The following SHANK2 variants were observed in gnomAD, a reference collection of about 807,000 sequenced individuals.
SHANK2 encodes the protein SH3 and multiple ankyrin repeat domains protein 2.
A neutral mutation model predicts 133.7 loss-of-function variants in SHANK2; 43 were observed. That is an observed-to-expected ratio of 0.32 (90% confidence interval 0.25 to 0.41). The LOEUF (loss-of-function observed/expected upper bound fraction) is 0.41. Among genes scored for constraint, SHANK2 ranks in the 10% least tolerant of loss-of-function variants. The pLI, the probability that SHANK2 is intolerant of heterozygous loss-of-function variation, is 1.00. For synonymous variants in SHANK2, 1,017 were observed against 952.8 expected, an observed-to-expected ratio of 1.07 and a Z score of -1.24; for missense variants, 1,994 against 2,235.8, an observed-to-expected ratio of 0.89 and a Z score of 2.18.
At chr11:70,860,809 C>T (rs760615761) in intron 11 of SHANK2, among the ~76,000 whole-genome samples, 8 of 152,124 alleles carry the variant, frequency 5.3e-5, no homozygotes, top group Non-Finnish European at 8.8e-5. Flanking sequence ...GGGCCCAGGA[C>T]CAGGTGTTCA....
At chr11:70,496,880 C>T (rs1274925512) in intron 21 of SHANK2, 1 of 443,354 alleles carries the variant, frequency 2.3e-6, no homozygotes, top group Admixed American at 2.4e-5. Context: ...GGGCACCCTA[C>T]CCATCATCAC....
intron 10 of SHANK2, chr11:70,948,342 G>C (rs1427532998): frequency 4.4e-6 from 2 of 457,184 alleles, no homozygotes; most frequent in African/African-American, 4.0e-5. Context: ...GTGGCTCACT[G>C]ATGTGTCCCC....
At chr11:71,238,394 AT>A (rs1954849300) in intron 1 of SHANK2, among the ~76,000 whole-genome samples, 1 of 152,210 alleles carries the variant, frequency 6.6e-6, no homozygotes, top group African/African-American at 2.4e-5. Flanking sequence ...AAATTACCTT[AT>A]TTAATGCTCA....
At chr11:71,140,562 G>A (rs1159980010) in intron 3 of SHANK2, among the ~76,000 whole-genome samples, 3 of 152,204 alleles carry the variant, frequency 2.0e-5, no homozygotes, top group Non-Finnish European at 4.4e-5. Flanking sequence ...AGATGACCGG[G>A]GCCTCCCTTC....
At chr11:70,894,917 T>C (rs1555075357) in intron 11 of SHANK2, among the ~76,000 whole-genome samples, 1 of 152,248 alleles carries the variant, frequency 6.6e-6, no homozygotes, top group East Asian at 1.9e-4. Flanking sequence ...TGTGTGCTGC[T>C]CTTTCATATT....
chr11:70,736,685 C>T (rs1261840963), intron 14 of SHANK2, among the ~76,000 whole-genome samples: 1 of 152,184 alleles, frequency 6.6e-6, no homozygotes, highest in Non-Finnish European at 1.5e-5. Context: ...CCGTTCTCTG[C>T]TGTTCTGAGC....
At chr11:70,480,061 A>G (rs2058713313) in intron 25 of SHANK2, among the ~76,000 whole-genome samples, 1 of 152,152 alleles carries the variant, frequency 6.6e-6, no homozygotes, top group African/African-American at 2.4e-5. Context: ...TGGTCATGCC[A>G]AGACTTTGCT....
chr11:70,878,639 A>T (rs1555071814), intron 11 of SHANK2, among the ~76,000 whole-genome samples: 1 of 152,146 alleles, frequency 6.6e-6, no homozygotes. Context: ...GGACTGGCAG[A>T]GGACTGGAAT....
At chr11:70,725,380 T>C (rs1555030387) in intron 14 of SHANK2, among the ~76,000 whole-genome samples, 1 of 152,228 alleles carries the variant, frequency 6.6e-6, no homozygotes, top group East Asian at 1.9e-4. Flanking sequence ...AGGAATTTCC[T>C]TGGGTACTGG....
At chr11:71,123,135 T>C (rs1555101867) in intron 3 of SHANK2, among the ~76,000 whole-genome samples, 1 of 152,194 alleles carries the variant, frequency 6.6e-6, no homozygotes, top group African/African-American at 2.4e-5. Context: ...GAAGACACTT[T>C]GGATGAATCC....
At chr11:70,716,676 C>T (rs1315548172) in intron 14 of SHANK2, among the ~76,000 whole-genome samples, 1 of 152,324 alleles carries the variant, frequency 6.6e-6, no homozygotes, top group East Asian at 1.9e-4. Context: ...GGCTCATTCC[C>T]TGCCACTCAC....
chr11:70,745,290 C>G (rs1946614477), intron 14 of SHANK2, among the ~76,000 whole-genome samples: 1 of 152,214 alleles, frequency 6.6e-6, no homozygotes, highest in Non-Finnish European at 1.5e-5. Context: ...GCTGTTGCCA[C>G]AGCAAGCTCG....
In SHANK2 at chr11:70,476,623, T is replaced by G. The variant is rs782506386; in HGVS notation, c.4980-3184A>C. ...ATTCAGAGGTGATTTGGGGTGTTAA[T>G]TAGGGCCAAGGACCTTGGGGCACAG... On this transcript the variant is annotated intron_variant, in intron 25 of 25. Transcript: ENST00000601538. Among the ~76,000 whole-genome samples, 8 of 152,192 alleles carry G rather than the reference T, an allele frequency of 5.3e-5. No individual in the cohort carries two copies. The South Asian group carries it at 1.7e-3, about 32-fold the overall frequency.
chr11:70,488,673 C>T (rs1264420070), intron 24 of SHANK2, among the ~76,000 whole-genome samples: 2 of 152,244 alleles, frequency 1.3e-5, no homozygotes, highest in South Asian at 2.1e-4. Context: ...TGGGTCCCAG[C>T]GGCAGCCCTG....
chr11:71,095,185 G>A (rs1951586204), intron 6 of SHANK2, among the ~76,000 whole-genome samples: 1 of 152,222 alleles, frequency 6.6e-6, no homozygotes, highest in Non-Finnish European at 1.5e-5. Flanking sequence ...CGTGCCCCCT[G>A]GAGCTCCCAA....
At chr11:70,829,278 G>A (rs999290651) in intron 11 of SHANK2, among the ~76,000 whole-genome samples, 9 of 152,162 alleles carry the variant, frequency 5.9e-5, no homozygotes, top group Non-Finnish European at 1.2e-4. Flanking sequence ...CCTCTGGACG[G>A]GAGCCACGCA....
Position 70,837,351 on chromosome 11 carries a change from C to T in SHANK2, c.1175-16669G>A, listed in dbSNP as rs115834417. ...TCCCACTGGCCTGGACACACCTCTG[C>T]CCCTGCTGTGCCTACCCTCCATCTG... On this transcript the variant is annotated intron_variant, in intron 11 of 25. Coordinates refer to ENST00000601538, the MANE Select transcript of SHANK2 (RefSeq NM_012309.5). 3.5e-3 allele frequency among the ~76,000 whole-genome samples: 532 copies of T among 152,266 alleles called. 6 individuals carry two copies. Among genetic ancestry groups the T allele is most frequent in the African/African-American group, 0.012 (513 of 41,548 alleles).
intron 11 of SHANK2, among the ~76,000 whole-genome samples, chr11:70,862,403 T>C (rs1169093823): frequency 3.3e-5 from 5 of 151,710 alleles, no homozygotes; most frequent in African/African-American, 1.2e-4. Context: ...GTCTGTGTAG[T>C]CTCTGGAATG....
chr11:70,641,097 C>CT (rs2061173588), intron 17 of SHANK2, among the ~76,000 whole-genome samples: 5 of 122,538 alleles, frequency 4.1e-5, no homozygotes, highest in Non-Finnish European at 5.6e-5. Context: ...TTCTTTTTTT[C>CT]TTTTCTTTTT....
Sources: allele counts gnomAD v4.1 joint callset (sites outside exome capture counted in the v4.1 genomes callset), GRCh38; gene constraint gnomAD v4.1.1; transcripts MANE v1.5; gene names NCBI Gene and HGNC (gene_info 2026-07-23, HGNC 2026-07-21).